The following TTBK1 variants were observed in gnomAD, a reference collection of about 807,000 sequenced individuals.
The protein encoded by TTBK1 is tau tubulin kinase 1, also known as tau-tubulin kinase 1.
Under a neutral mutation model 108.5 loss-of-function variants are expected in TTBK1, and 34 were observed. That is an observed-to-expected ratio of 0.31 (90% CI 0.24 to 0.42). TTBK1 has a LOEUF of 0.42. Among genes scored for constraint, TTBK1 ranks in the 10% least tolerant of loss-of-function variants. The pLI is 1.00. For synonymous variants in TTBK1, 809 were observed against 795.1 expected (o/e 1.02, Z -0.29); for missense variants, 1,539 against 1,826.0 (o/e 0.84, Z 2.86).
rs1778400959 is a variant in TTBK1, at chr6:43,287,112, G to A, written c.*1736G>A. Reference sequence around the variant, plus strand: ...CAGACCAGCTGAGGGGAGGACTCCTGGGTGGACAGCCTTTGACGTCCACCC... The same window carrying A: ...CAGACCAGCTGAGGGGAGGACTCCTAGGTGGACAGCCTTTGACGTCCACCC... On this transcript the variant is annotated 3_prime_UTR_variant, in exon 15 of 15. Transcript: ENST00000259750. This position sits in a 1 kb window ranked among gnomAD's most constrained non-coding sequence, Gnocchi z 4.1. The A allele has an allele frequency of 6.6e-6, 1 of 152,608 alleles. No homozygotes were observed. The highest frequency in any genetic ancestry group is 6.5e-5 in the Admixed American group (1 of 15,284). The allele number at this position is 152,608 out of a possible 1,614,324, so 9.5% of individuals were successfully genotyped here. A position where few individuals can be genotyped will look rare whatever the true frequency, so the allele number is the denominator to read the frequency against.
At position 43,282,833 on chromosome 6, in the gene TTBK1, G is replaced by A. The variant is rs751371686; in HGVS notation, c.2093G>A (p.Arg698Gln). 2.0e-5 allele frequency: 32 copies of A among 1,614,104 alleles called. No homozygotes were observed. Among genetic ancestry groups the A allele is most frequent in the South Asian group, 2.2e-5 (2 of 91,064 alleles). ...AGAGACCTCTCCGATTACCGAGAACGGGCGCGGTTGCTCAACAGGGTCCGG... is the reference window on the plus strand; with the variant it reads ...AGAGACCTCTCCGATTACCGAGAACAGGCGCGGTTGCTCAACAGGGTCCGG... Reference protein sequence around the residue: ...FKRDLSDYRERARLLNRVRRV... With the variant: ...FKRDLSDYREQARLLNRVRRV... Residue 698 changes from arginine to glutamine, a missense_variant, in exon 14 of 15, where the codon CGG becomes CAG. Around this residue, in one of 5 missense-constraint regions of TTBK1, gnomAD observed 1,055 missense variants for 1,086.5 expected, o/e 0.97. Coordinates refer to ENST00000259750, the MANE Select transcript of TTBK1 (RefSeq NM_032538.3). This position sits in a 1 kb window ranked among gnomAD's most constrained non-coding sequence, Gnocchi z 5.4.
chr6:43,272,341 C>T, intron 13 of TTBK1: 1 of 985,464 alleles, frequency 1.0e-6, no homozygotes, highest in Non-Finnish European at 1.2e-6. Context: ...TCCCAAAGTG[C>T]CTTGTGAAAT....
chr6:43,264,415 A>G (rs575688082), intron 13 of TTBK1, among the ~76,000 whole-genome samples: 1 of 152,246 alleles, frequency 6.6e-6, no homozygotes, highest in East Asian at 1.9e-4. Context: ...AATAAATATA[A>G]TAACTTCATG....
At chr6:43,270,449 G>GTT in intron 13 of TTBK1, 1 of 991,524 alleles carries the variant, frequency 1.0e-6, no homozygotes, top group South Asian at 4.7e-5. Context: ...GTGTGTGTGT[G>GTT]TGTGTGTGTC....
chr6:43,281,155 C>T (rs1778148271), intron 13 of TTBK1, among the ~76,000 whole-genome samples: 1 of 152,042 alleles, frequency 6.6e-6, no homozygotes, highest in African/African-American at 2.4e-5. Flanking sequence ...GGGTGGATCA[C>T]CTGAGGTCAG....
chr6:43,267,098 G>A (rs960171241), intron 13 of TTBK1, among the ~76,000 whole-genome samples: 3 of 151,848 alleles, frequency 2.0e-5, no homozygotes. Flanking sequence ...GTGTGCCTGT[G>A]GCCATGTCAG....
intron 2 of TTBK1, chr6:43,247,989 A>G (rs1777144696): frequency 6.6e-6 from 1 of 152,182 alleles, no homozygotes; most frequent in African/African-American, 2.4e-5. Context: ...CCAGGGCAGT[A>G]ATAAAAGGAA....
Position 43,252,816 on chromosome 6 carries a change from C to G in TTBK1, c.186C>G (p.Leu62=). 6.2e-7 allele frequency: 1 copy of G among 1,613,892 alleles called. No individual in the cohort carries two copies. Among genetic ancestry groups the G allele is most frequent in the Non-Finnish European group, 8.5e-7 (1 of 1,179,960 alleles). The change falls in exon 3 of 15, where the codon CTC becomes CTG. Residue 62 remains leucine (L), a synonymous_variant. Coordinates refer to ENST00000259750, the MANE Select transcript of TTBK1 (RefSeq NM_032538.3). ...TGCTGACCAGGGAGAATGTGGCCCT[C>G]AAGGTGGAGTCAGCCCAGCAGCCCA... is the stretch of plus-strand genomic sequence containing the variant. ...MDLLTRENVA[L]KVESAQQPKQ... is the part of the protein sequence containing the mutation.
chr6:43,270,219 G>T (rs1203582582), intron 13 of TTBK1: 1 of 1,297,560 alleles, frequency 7.7e-7, no homozygotes, highest in African/African-American at 1.5e-5. Context: ...CAGTTTCCAG[G>T]ACAGGGCAGG....
At chr6:43,270,208 A>G (rs1422434707) in intron 13 of TTBK1, 3 of 1,316,400 alleles carry the variant, frequency 2.3e-6, no homozygotes, top group African/African-American at 3.1e-5. Context: ...GGCTGGTGGT[A>G]CAGTTTCCAG....
At chr6:43,284,899 C>T in intron 14 of TTBK1, 84 bp from the exon 15 acceptor site, 1 of 1,424,692 alleles carries the variant, frequency 7.0e-7, no homozygotes, top group Non-Finnish European at 9.1e-7. Flanking sequence ...CTCCAGTGCT[C>T]AGTGCCCAGG....
Position 43,259,392 on chromosome 6 carries a change from C to G in TTBK1, c.1248+123C>G. 2 of 1,270,538 alleles carry G rather than the reference C, an allele frequency of 1.6e-6. No homozygotes were observed. Among genetic ancestry groups the G allele is most frequent in the Non-Finnish European group, 2.2e-6 (2 of 929,348 alleles). 78.7% of individuals were successfully genotyped at this position (1,270,538 alleles called of 1,614,324 possible). ...CCGGCCATCTGCCTGCTTGCCCTGC[C>G]TCTGTTTCCCGGTCCCTCCCCGCAC... is the stretch of plus-strand genomic sequence containing the variant. On this transcript the variant is annotated intron_variant, in intron 11 of 14. Transcript: ENST00000259750. The surrounding 1 kb of genome is among the most constrained non-coding windows in gnomAD (Gnocchi z 6.7).
At chr6:43,261,327 C>A (rs1475995425) in intron 12 of TTBK1, among the ~76,000 whole-genome samples, 1 of 152,092 alleles carries the variant, frequency 6.6e-6, no homozygotes, top group Non-Finnish European at 1.5e-5. Flanking sequence ...GAGGGAGTGG[C>A]ACAAACCCCA....
chr6:43,284,008 G>T lies in TTBK1; in HGVS notation c.3268G>T (p.Ala1090Ser). Reference sequence around the variant, plus strand: ...GCGGGCTCGGCCGCAGCAGGACCTGGCGCGGCTGGTGATGGAGAAGAGGCA... The same window carrying T: ...GCGGGCTCGGCCGCAGCAGGACCTGTCGCGGCTGGTGATGGAGAAGAGGCA... ...SKRARPQQDL[A>S]RLVMEKRQGR... The change falls in exon 14 of 15, where the codon GCG becomes TCG. Residue 1090 changes from alanine to serine, a missense_variant. Coordinates refer to ENST00000259750, the MANE Select transcript of TTBK1 (RefSeq NM_032538.3). 6.3e-7 allele frequency: 1 copy of T among 1,588,030 alleles called. No homozygotes were observed. Among genetic ancestry groups the T allele is most frequent in the Non-Finnish European group, 8.6e-7 (1 of 1,166,564 alleles).
rs1777414918 is a variant in TTBK1 at position 43,257,608 on chromosome 6, G to T, written c.862-204G>T. ...GTCCAGTCAGTGGGGCTTAATCCAAGATGATAATTTGCATGTTGATTTGCA... is the reference window on the plus strand; with the variant it reads ...GTCCAGTCAGTGGGGCTTAATCCAATATGATAATTTGCATGTTGATTTGCA... On this transcript the variant is annotated intron_variant, in intron 9 of 14. Coordinates refer to ENST00000259750, the MANE Select transcript of TTBK1 (RefSeq NM_032538.3). The surrounding 1 kb of genome is among the most constrained non-coding windows in gnomAD (Gnocchi z 4.5). 6.6e-6 allele frequency among the ~76,000 whole-genome samples: 1 copy of T among 152,152 alleles called. No homozygotes were observed. The highest frequency in any genetic ancestry group is 2.4e-5 in the African/African-American group (1 of 41,420).
chr6:43,285,323 G>C lies in TTBK1; in HGVS notation c.3913G>C (p.Ala1305Pro). Reference sequence around the variant, plus strand: ...CAGAGGGAAACTCCAGGCTCAGCGCGCAACAACCAAAGGCCGGGCAGGAGG... The same window carrying C: ...CAGAGGGAAACTCCAGGCTCAGCGCCCAACAACCAAAGGCCGGGCAGGAGG... ...GPRGKLQAQR[A>P]TTKGRAGGAE... Residue 1305 changes from alanine (A) to proline (P), a missense_variant, in exon 15 of 15, where the codon GCA becomes CCA. Ala to Pro is a conservative substitution (Grantham distance 27, BLOSUM62 -1). Coordinates refer to ENST00000259750, the MANE Select transcript of TTBK1 (RefSeq NM_032538.3). The surrounding 1 kb of genome is among the most constrained non-coding windows in gnomAD (Gnocchi z 4.7). The C allele has an allele frequency of 3.1e-6, 4 of 1,293,464 alleles. No homozygotes were observed. In the South Asian group the frequency reaches 1.1e-4, roughly 34 times the overall value. The allele number at this position is 1,293,464 out of a possible 1,614,324, so 80.1% of individuals were successfully genotyped here.
chr6:43,258,081 C>T, intron 10 of TTBK1, 115 bp downstream of exon 10: 1 of 1,237,592 alleles, frequency 8.1e-7, no homozygotes, highest in South Asian at 1.6e-5. Context: ...TCTTTCCTAT[C>T]CTTAGTGGAG....
intron 2 of TTBK1, among the ~76,000 whole-genome samples, chr6:43,251,456 C>A (rs1350281547): frequency 6.6e-6 from 1 of 152,168 alleles, no homozygotes; most frequent in African/African-American, 2.4e-5. Context: ...TTCAGTGGAC[C>A]TCCTCTGAGA....
intron 2 of TTBK1, among the ~76,000 whole-genome samples, chr6:43,248,501 T>C (rs1777158042): frequency 6.6e-6 from 1 of 152,044 alleles, no homozygotes; most frequent in Non-Finnish European, 1.5e-5. Context: ...GGTGGGAGGA[T>C]CACTTGGGGT....
Sources: gnomAD v4.1 joint callset for allele counts (sites outside exome capture counted in the v4.1 genomes callset) on GRCh38, gnomAD v4.1.1 for gene constraint, gnomAD v4.1.1 regional missense constraint, Gnocchi (gnomAD v3.1) non-coding constraint, MANE v1.5 for transcripts, NCBI Gene and HGNC (gene_info 2026-07-23, HGNC 2026-07-21) for gene names.